ITGAV: variants seen among roughly 807,000 people sequenced by gnomAD.
ITGAV encodes the protein integrin alpha-V.
Under a neutral mutation model 143.8 loss-of-function variants are expected in ITGAV, and 76 were observed. That is an observed-to-expected ratio of 0.53 (90% CI 0.44 to 0.64). ITGAV has a LOEUF of 0.64. Ranked by LOEUF, ITGAV falls within the 30% of genes least tolerant of loss-of-function variation. The pLI is 0.00. For synonymous variants in ITGAV, 453 were observed against 446.7 expected (o/e 1.01, Z -0.18); for missense variants, 1,193 against 1,274.7 (o/e 0.94, Z 0.98).
intron 12 of ITGAV, among the ~76,000 whole-genome samples, chr2:186,643,385 G>C (rs962149229): frequency 6.6e-6 from 1 of 152,168 alleles, no homozygotes; most frequent in Non-Finnish European, 1.5e-5. Flanking sequence ...GGGTCTTACT[G>C]TAGCAAATAG....
chr2:186,621,391 G>A (rs1459795113), intron 2 of ITGAV, among the ~76,000 whole-genome samples: 1 of 151,948 alleles, frequency 6.6e-6, no homozygotes, highest in African/African-American at 2.4e-5. Context: ...GTCATCACAT[G>A]TTAGAAATGA....
chr2:186,667,843 A>G (rs1688943279), intron 24 of ITGAV, 67 bp downstream of exon 24: 1 of 875,078 alleles, frequency 1.1e-6, no homozygotes, highest in Admixed American at 2.4e-5. Context: ...CAACTAAGCT[A>G]CTTTAAAAAA....
intron 6 of ITGAV, among the ~76,000 whole-genome samples, chr2:186,634,578 A>G (rs1467542618): frequency 6.6e-6 from 1 of 152,188 alleles, no homozygotes; most frequent in Non-Finnish European, 1.5e-5. Context: ...GAAATATTGA[A>G]AGGGAAGGCA....
At chr2:186,604,119 C>G (rs1173536776) in intron 2 of ITGAV, among the ~76,000 whole-genome samples, 1 of 151,922 alleles carries the variant, frequency 6.6e-6, no homozygotes, top group Admixed American at 6.6e-5. Context: ...CAGTCTGCCC[C>G]CCTCAGTCTC....
At chr2:186,663,920 C>A (rs572356647) in intron 19 of ITGAV, 85 bp downstream of exon 19, 2 of 885,702 alleles carry the variant, frequency 2.3e-6, no homozygotes, top group Non-Finnish European at 3.7e-6. Context: ...CATATTTTAA[C>A]GAGAATTAGT....
At chr2:186,600,818 G>A (rs1686881635) in intron 1 of ITGAV, among the ~76,000 whole-genome samples, 1 of 152,040 alleles carries the variant, frequency 6.6e-6, no homozygotes, top group Non-Finnish European at 1.5e-5. Flanking sequence ...AATTAGCCAG[G>A]CGTGGTGGTG....
At position 186,602,924 on chromosome 2, in the gene ITGAV, G is replaced by A. The variant is rs920004872; in HGVS notation, c.316+773G>A. Among the ~76,000 whole-genome samples the A allele has an allele frequency of 4.6e-5, 7 of 151,550 alleles. No homozygotes were observed. In the South Asian group the frequency reaches 1.0e-3, roughly 23 times the overall value. ...GTGGAGGAATCTTTTGCATTCAGGT[G>A]GACTTAGGTGACGTAAACATTTATC... On this transcript the variant is annotated intron_variant, in intron 2 of 29. Coordinates refer to ENST00000261023, the MANE Select transcript of ITGAV (RefSeq NM_002210.5).
At position 186,622,353 on chromosome 2, in the gene ITGAV, G is replaced by T. The variant is rs749054477; in HGVS notation, c.331G>T (p.Ala111Ser). The T allele has an allele frequency of 1.9e-6, 3 of 1,611,288 alleles. No homozygotes were observed. In the South Asian group the frequency reaches 3.3e-5, roughly 18 times the overall value. ...TTCTTTTTTAGGCAATAGAGATTATGCCAAGGATGATCCATTGGAATTTAA... is the reference window on the plus strand; with the variant it reads ...TTCTTTTTTAGGCAATAGAGATTATTCCAAGGATGATCCATTGGAATTTAA... ...EFDATGNRDY[A>S]KDDPLEFKSH... The change falls in exon 3 of 30, where the codon GCC (alanine) becomes TCC (serine). Residue 111 changes from alanine (A) to serine (S), a missense_variant. Transcript: ENST00000261023.
intron 26 of ITGAV, among the ~76,000 whole-genome samples, chr2:186,670,601 C>T (rs1364614464): frequency 6.6e-6 from 1 of 152,136 alleles, no homozygotes; most frequent in East Asian, 1.9e-4. Flanking sequence ...ATGCCCAGCA[C>T]TGTTTATGTT....
chr2:186,622,003 C>T (rs112472546), intron 2 of ITGAV, among the ~76,000 whole-genome samples: 12 of 152,224 alleles, frequency 7.9e-5, no homozygotes, highest in African/African-American at 2.9e-4. Context: ...ACCGAAAGAT[C>T]TTCTGGGAAT....
chr2:186,627,925 G>C (rs1687718412), intron 4 of ITGAV, among the ~76,000 whole-genome samples: 1 of 152,256 alleles, frequency 6.6e-6, no homozygotes, highest in Non-Finnish European at 1.5e-5. Flanking sequence ...TATTGTACAT[G>C]CTTTTTGATT....
chr2:186,633,310 G>A lies in ITGAV; in HGVS notation c.586-19G>A. 6.5e-7 allele frequency: 1 copy of A among 1,530,002 alleles called. No individual in the cohort carries two copies. The highest frequency in any genetic ancestry group is 9.0e-7 in the Non-Finnish European group (1 of 1,115,272). The allele number at this position is 1,530,002 out of a possible 1,614,324, so 94.8% of individuals were successfully genotyped here. On this transcript the variant is annotated intron_variant, in intron 5 of 29. Transcript: ENST00000261023. ...TTGTTCTTTAAATATATATCTTTTT[G>A]TTGTGTGATTTCATCTAGGCTGACA...
chr2:186,656,470 C>T (rs760656683), intron 17 of ITGAV, 69 bp downstream of exon 17: 9 of 1,165,552 alleles, frequency 7.7e-6, no homozygotes, highest in Non-Finnish European at 1.1e-5. Flanking sequence ...AAATGATTTT[C>T]ACTTTCTGTA....
At chr2:186,664,256 AT>A (rs1188649794) in intron 19 of ITGAV, among the ~76,000 whole-genome samples, 1 of 152,204 alleles carries the variant, frequency 6.6e-6, no homozygotes, top group African/African-American at 2.4e-5. Flanking sequence ...TCAGTAATAG[AT>A]ATGAATGATA....
intron 16 of ITGAV, among the ~76,000 whole-genome samples, chr2:186,655,256 G>A (rs1173767614): frequency 6.6e-6 from 1 of 152,256 alleles, no homozygotes; most frequent in African/African-American, 2.4e-5. Context: ...TTGTCAGTAT[G>A]TTAATGGCAA....
chr2:186,663,529 C>T (rs1305887280), intron 18 of ITGAV, among the ~76,000 whole-genome samples: 1 of 152,176 alleles, frequency 6.6e-6, no homozygotes, highest in African/African-American at 2.4e-5. Flanking sequence ...TTCCAAGGAA[C>T]TGTATCATAT....
chr2:186,672,937 A>T (rs945654484), intron 26 of ITGAV, among the ~76,000 whole-genome samples: 1 of 152,130 alleles, frequency 6.6e-6, no homozygotes, highest in African/African-American at 2.4e-5. Flanking sequence ...CAATTTATCT[A>T]TGTCTTCTTT....
At chr2:186,598,170 T>C (rs1380037713) in intron 1 of ITGAV, among the ~76,000 whole-genome samples, 1 of 152,092 alleles carries the variant, frequency 6.6e-6, no homozygotes, top group African/African-American at 2.4e-5. Context: ...TGTTCTTTTG[T>C]TCTAGTATGC....
At chr2:186,652,170 G>A (rs372685065) in intron 15 of ITGAV, 81 bp downstream of exon 15, 4 of 844,578 alleles carry the variant, frequency 4.7e-6, no homozygotes, top group East Asian at 2.5e-5. Context: ...GAAGGTGGTA[G>A]GGCTGAAATA....
Sources: gnomAD v4.1 joint callset for allele counts (sites outside exome capture counted in the v4.1 genomes callset) on GRCh38, gnomAD v4.1.1 for gene constraint, MANE v1.5 for transcripts, NCBI Gene and HGNC (gene_info 2026-07-23, HGNC 2026-07-21) for gene names.